NOS2: variants seen among roughly 807,000 people sequenced by gnomAD.
NOS2 encodes the protein nitric oxide synthase 2.
Under a neutral mutation model 136.0 loss-of-function variants are expected in NOS2, and 96 were observed. The ratio of observed to expected loss-of-function variants is 0.71; its 90% CI spans 0.60 to 0.84. The LOEUF is 0.84. NOS2 is among the 40% of genes least tolerant of loss of function. NOS2 has a pLI of 0.00. For synonymous variants in NOS2, 539 were observed against 587.5 expected, an observed-to-expected ratio of 0.92 and a Z score of 1.20; for missense variants, 1,237 against 1,496.9, an observed-to-expected ratio of 0.83 and a Z score of 2.87.
At chr17:27,785,335 C>T (rs1003960068) in intron 5 of NOS2, among the ~76,000 whole-genome samples, 16 of 152,130 alleles carry the variant, frequency 1.1e-4, no homozygotes, top group Non-Finnish European at 1.9e-4. Context: ...CCCTGGACCC[C>T]GAAAGGCTCA....
intron 11 of NOS2, among the ~76,000 whole-genome samples, chr17:27,778,153 T>C (rs1834198778): frequency 1.3e-5 from 2 of 151,858 alleles, no homozygotes; most frequent in Admixed American, 1.3e-4. Flanking sequence ...GAGAGACAGG[T>C]TGGCAGTGGG....
rs1356519629 is a variant in NOS2, at chr17:27,773,235, G to GGCC, written c.1482_1484dup (p.Ala495dup). The GGCC allele has an allele frequency of 3.1e-6, 5 of 1,613,396 alleles. No homozygotes were observed. Among genetic ancestry groups the GGCC allele is most frequent in the Non-Finnish European group, 4.2e-6 (5 of 1,179,600 alleles). On this transcript the variant is annotated inframe_insertion, in exon 13 of 27. Coordinates refer to ENST00000313735, the MANE Select transcript of NOS2 (RefSeq NM_000625.4). ...CGTCCTGCCAGACATGGGTTTTCCA[G>GGCC]GCCTCTACCTTCAGAAAAGAAAGGA...
At chr17:27,786,144 C>A (rs997978623) in intron 5 of NOS2, among the ~76,000 whole-genome samples, 1 of 151,564 alleles carries the variant, frequency 6.6e-6, no homozygotes, top group Non-Finnish European at 1.5e-5. Flanking sequence ...ATTTCTGGGC[C>A]GGGCTCGGTG....
chr17:27,794,568 A>G (rs1909292795), intron 2 of NOS2, among the ~76,000 whole-genome samples: 1 of 152,216 alleles, frequency 6.6e-6, no homozygotes, highest in African/African-American at 2.4e-5. Flanking sequence ...AAGCAGAATG[A>G]AAGAGGGCAC....
intron 14 of NOS2, among the ~76,000 whole-genome samples, chr17:27,771,847 G>A (rs948171665): frequency 2.0e-5 from 3 of 152,232 alleles, no homozygotes; most frequent in East Asian, 1.9e-4. Flanking sequence ...CTCAGAGCCC[G>A]GGGCTGGTCC....
intron 18 of NOS2, among the ~76,000 whole-genome samples, chr17:27,767,198 T>C (rs1255808765): frequency 6.6e-6 from 1 of 152,176 alleles, no homozygotes; most frequent in Non-Finnish European, 1.5e-5. Context: ...AGGACTATCT[T>C]AGACAGGGCA....
chr17:27,773,060 A>G (rs1238315882), intron 13 of NOS2, 101 bp downstream of exon 13: 1 of 935,328 alleles, frequency 1.1e-6, no homozygotes, highest in Non-Finnish European at 1.7e-6. Context: ...AAGCATAACC[A>G]TTCCTTGTGT....
chr17:27,757,421 T>C, intron 26 of NOS2, 68 bp from the exon 27 acceptor site: 1 of 1,317,476 alleles, frequency 7.6e-7, no homozygotes, highest in Non-Finnish European at 1.1e-6. Context: ...GTTGCCCAGC[T>C]TCCCTATCAC....
chr17:27,780,742 C>T lies in NOS2; in HGVS notation c.1004+25G>A, dbSNP rs1426610692. On this transcript the variant is annotated intron_variant, in intron 9 of 26. Transcript: ENST00000313735. ...AGGGCTGTGTGTTGACTCGCCCTTG[C>T]CCCCAGCACCCTCAGCCTACTTACT... The T allele has an allele frequency of 3.7e-6, 6 of 1,613,968 alleles. No homozygotes were observed. In the South Asian group the frequency reaches 5.5e-5, roughly 15 times the overall value.
At chr17:27,758,840 C>A in intron 26 of NOS2, 41 bp downstream of exon 26, 9 of 1,356,526 alleles carry the variant, frequency 6.6e-6, no homozygotes, top group Admixed American at 3.1e-5. Context: ...ACGGCCTGTG[C>A]CCTTGGCCGG....
rs1343304542 is a variant in NOS2 at position 27,790,156 on chromosome 17, T to C, written c.111-468A>G. ...TCATCCAGGCTGGAGTGCAGTGGCA[T>C]GATCTCAGCTCTCTGCAACCTCCAC... is the stretch of plus-strand genomic sequence containing the variant. On this transcript the variant is annotated intron_variant, in intron 2 of 26. Coordinates refer to ENST00000313735, the MANE Select transcript of NOS2 (RefSeq NM_000625.4). 2.0e-5 allele frequency among the ~76,000 whole-genome samples: 3 copies of C among 152,372 alleles called. No homozygotes were observed. The East Asian group carries it at 5.8e-4, about 29-fold the overall frequency.
At position 27,760,698 on chromosome 17, in the gene NOS2, G is replaced by C; in HGVS notation, c.2935C>G (p.Leu979Val). Residue 979 changes from leucine to valine, a missense_variant, in exon 24 of 27, where the codon CTC becomes GTC. Leu to Val is a conservative substitution (Grantham distance 32). Transcript: ENST00000313735. ...LPEDPSHPCI[L>V]IGPGTGIAPF... The stretch of plus-strand genomic sequence containing the variant: ...GCGATGCCTGTGCCAGGCCCGATGA[G>C]GATGCAAGGATGGGAGGGATCCTCG... 6.4e-7 allele frequency: 1 copy of C among 1,550,908 alleles called. No individual in the cohort carries two copies. Among genetic ancestry groups the C allele is most frequent in the Non-Finnish European group, 8.7e-7 (1 of 1,147,094 alleles).
chr17:27,781,067 C>G lies in NOS2; in HGVS notation c.833G>C (p.Arg278Thr). The G allele has an allele frequency of 6.2e-7, 1 of 1,613,894 alleles. No homozygotes were observed. The highest frequency in any genetic ancestry group is 8.5e-7 in the Non-Finnish European group (1 of 1,180,024). ...GAATTCCACGTTGGCAGGGTCCCCTCTGATGCTGCCATCTGGCATCTGGTA... is the reference window on the plus strand; with the variant it reads ...GAATTCCACGTTGGCAGGGTCCCCTGTGATGCTGCCATCTGGCATCTGGTA... ...AGYQMPDGSIRGDPANVEFTQ... is the reference protein window; with the variant it reads ...AGYQMPDGSITGDPANVEFTQ... Residue 278 changes from arginine to threonine, a missense_variant, in exon 8 of 27, where the codon AGA becomes ACA. This residue lies in a region of NOS2 where 440 missense variants were observed against 545.4 expected (regional missense o/e 0.81). Transcript: ENST00000313735.
intron 7 of NOS2, 135 bp downstream of exon 7, chr17:27,781,880 G>T (rs1291936390): frequency 2.6e-6 from 2 of 760,654 alleles, no homozygotes; most frequent in Non-Finnish European, 2.2e-6. Flanking sequence ...AGAAGCCTGA[G>T]TCTTTCTCTT....
chr17:27,767,310 G>A (rs1406614688), intron 18 of NOS2, among the ~76,000 whole-genome samples: 2 of 152,256 alleles, frequency 1.3e-5, no homozygotes, highest in Non-Finnish European at 2.9e-5. Context: ...CTTCGCAGCT[G>A]GAAGGCTGGG....
intron 22 of NOS2, among the ~76,000 whole-genome samples, 159 bp from the exon 23 acceptor site, chr17:27,761,390 C>T (rs545431013): frequency 6.6e-6 from 1 of 152,292 alleles, no homozygotes; most frequent in East Asian, 1.9e-4. Context: ...GAGATCCACC[C>T]TCTGTAAGCG....
chr17:27,771,067 C>G (rs762739885), intron 14 of NOS2, 50 bp from the exon 15 acceptor site: 5 of 1,377,910 alleles, frequency 3.6e-6, no homozygotes, highest in Non-Finnish European at 5.1e-6. Flanking sequence ...GTAGGGCCCT[C>G]CCTACCCTGC....
chr17:27,760,122 G>A lies in NOS2; in HGVS notation c.3067C>T (p.His1023Tyr). The A allele has an allele frequency of 6.2e-7, 1 of 1,606,814 alleles. No homozygotes were observed. The change falls in exon 25 of 27, where the codon CAC becomes TAC. Residue 1023 changes from histidine (H) to tyrosine (Y), a missense_variant. Coordinates refer to ENST00000313735, the MANE Select transcript of NOS2 (RefSeq NM_000625.4). ...VFGCRRPDEDHIYQEEMLEMA... is the reference protein window; with the variant it reads ...VFGCRRPDEDYIYQEEMLEMA... Reference sequence around the variant, plus strand: ...TCCAGCATCTCCTCCTGGTAGATGTGGTCCTCATCTGGGCGGCGGCACCCA... The same window carrying A: ...TCCAGCATCTCCTCCTGGTAGATGTAGTCCTCATCTGGGCGGCGGCACCCA...
chr17:27,760,602 C>T lies in NOS2; in HGVS notation c.3010+21G>A, dbSNP rs1230936476. The T allele has an allele frequency of 1.9e-6, 3 of 1,551,990 alleles. No homozygotes were observed. In the African/African-American group the frequency reaches 4.1e-5, roughly 21 times the overall value. On this transcript the variant is annotated intron_variant, in intron 24 of 26. Coordinates refer to ENST00000313735, the MANE Select transcript of NOS2 (RefSeq NM_000625.4). Reference sequence around the variant, plus strand: ...GCTGGCCCCCTGGTGCCCCTCCCACCTGGGAAGCCTCCAGCCTTACCCTTG... The same window carrying T: ...GCTGGCCCCCTGGTGCCCCTCCCACTTGGGAAGCCTCCAGCCTTACCCTTG...
Sources: gnomAD v4.1 joint callset for allele counts (sites outside exome capture counted in the v4.1 genomes callset) on GRCh38, gnomAD v4.1.1 for gene constraint, gnomAD v4.1.1 regional missense constraint, MANE v1.5 for transcripts, NCBI Gene and HGNC (gene_info 2026-07-23, HGNC 2026-07-21) for gene names.